Variants in LAMA2 observed in about 807,000 individuals in gnomAD.
LAMA2 encodes the protein laminin subunit alpha-2.
Under a neutral mutation model 364.8 loss-of-function variants are expected in LAMA2, and 269 were observed. The observed-to-expected ratio is 0.74, with a 90% CI of 0.67 to 0.82. LAMA2 has a LOEUF of 0.82. LAMA2 is among the 40% of genes least tolerant of loss of function. The pLI, the probability that LAMA2 is intolerant of heterozygous loss-of-function variation, is 0.00. For missense variants in LAMA2, 3,807 were observed against 3,873.2 expected, an observed-to-expected ratio of 0.98 and a Z score of 0.45; for synonymous variants, 1,379 against 1,370.6, an observed-to-expected ratio of 1.01 and a Z score of -0.14.
Position 129,315,474 on chromosome 6 carries a change from A to G in LAMA2, c.3556-2A>G. ...CTTCTGCTGTATTTTGACCCCTTGC[A>G]GGTGACTCTGAAGGCTGAGCAGACC... On this transcript the variant is annotated splice_acceptor_variant, in intron 24 of 64. Transcript: ENST00000421865. LOFTEE classifies it high-confidence loss of function. The G allele has an allele frequency of 6.2e-7, 1 of 1,614,070 alleles. No homozygotes were observed. The highest frequency in any genetic ancestry group is 8.5e-7 in the Non-Finnish European group (1 of 1,179,894).
intron 56 of LAMA2, among the ~76,000 whole-genome samples, chr6:129,486,894 G>GA (rs1242244982): frequency 6.6e-6 from 1 of 152,140 alleles, no homozygotes; most frequent in Non-Finnish European, 1.5e-5. Flanking sequence ...CTATAAATAA[G>GA]AAAAATCCCT....
chr6:129,031,554 A>C (rs1454412106), intron 1 of LAMA2, among the ~76,000 whole-genome samples: 2 of 152,232 alleles, frequency 1.3e-5, no homozygotes, highest in Non-Finnish European at 2.9e-5. Flanking sequence ...AAGATGGAAA[A>C]TGTAAACTAT....
At chr6:129,239,933 A>G (rs2115153394) in intron 12 of LAMA2, among the ~76,000 whole-genome samples, 1 of 152,296 alleles carries the variant, frequency 6.6e-6, no homozygotes, top group African/African-American at 2.4e-5. Context: ...CACAAGGTGA[A>G]GTCCCACAAT....
At chr6:129,477,524 A>C (rs1239714819) in intron 53 of LAMA2, among the ~76,000 whole-genome samples, 3 of 152,194 alleles carry the variant, frequency 2.0e-5, no homozygotes, top group African/African-American at 4.8e-5. Flanking sequence ...TGAGTCTTGG[A>C]GAACTTAGAT....
chr6:129,514,352 G>C (rs761312355), intron 63 of LAMA2, 21 bp from the exon 64 acceptor site: 1 of 1,540,966 alleles, frequency 6.5e-7, no homozygotes, highest in South Asian at 1.1e-5. Context: ...ATCTGTGACT[G>C]TTCTATTTCC....
chr6:129,013,838 G>A (rs1305539341), intron 1 of LAMA2, among the ~76,000 whole-genome samples: 24 of 152,094 alleles, frequency 1.6e-4, no homozygotes, highest in Admixed American at 1.4e-3. Context: ...ATCTAAAATA[G>A]GAAGACAGGT....
At chr6:129,475,360 G>GT (rs398123386) in intron 52 of LAMA2, 30 bp from the exon 53 acceptor site, 28,942 of 1,078,042 alleles carry the variant, frequency 0.027, no homozygotes, top group South Asian at 0.035. Flanking sequence ...TTTTATTTTT[G>GT]TTTTTTTTTT....
intron 8 of LAMA2, among the ~76,000 whole-genome samples, chr6:129,155,749 TA>T (rs1779075826): frequency 6.6e-6 from 1 of 152,124 alleles, no homozygotes; most frequent in Non-Finnish European, 1.5e-5. Flanking sequence ...CTCTGCGTGC[TA>T]ATACCATACT....
intron 32 of LAMA2, among the ~76,000 whole-genome samples, chr6:129,354,122 T>A (rs1237149741): frequency 6.6e-6 from 1 of 152,234 alleles, no homozygotes; most frequent in Admixed American, 6.5e-5. Flanking sequence ...ATTTCAACAT[T>A]TACCTATTGT....
At chr6:129,119,903 AAT>A (rs1475208443) in intron 4 of LAMA2, among the ~76,000 whole-genome samples, 1 of 152,186 alleles carries the variant, frequency 6.6e-6, no homozygotes, top group Non-Finnish European at 1.5e-5. Context: ...CCAATTAATA[AAT>A]ATGTCTAAGG....
chr6:129,426,502 TG>T (rs1300320669), intron 40 of LAMA2, among the ~76,000 whole-genome samples: 1 of 152,028 alleles, frequency 6.6e-6, no homozygotes, highest in Non-Finnish European at 1.5e-5. Flanking sequence ...ACTTATGTGA[TG>T]TTACTGTATC....
At chr6:128,936,052 G>T (rs1162431561) in intron 1 of LAMA2, among the ~76,000 whole-genome samples, 2 of 152,160 alleles carry the variant, frequency 1.3e-5, no homozygotes, top group African/African-American at 4.8e-5. Flanking sequence ...TTCCCCCTTC[G>T]CTTGGCACTT....
chr6:129,205,479 T>C (rs1782567509), intron 12 of LAMA2, among the ~76,000 whole-genome samples: 1 of 94,354 alleles, frequency 1.1e-5, no homozygotes, highest in African/African-American at 8.2e-5. Flanking sequence ...ATTCTGTAAG[T>C]ATATATATAT....
chr6:129,252,483 A>C (rs571242430), intron 14 of LAMA2, among the ~76,000 whole-genome samples, 188 bp downstream of exon 14: 3 of 152,118 alleles, frequency 2.0e-5, no homozygotes, highest in Admixed American at 6.5e-5. Flanking sequence ...ATGCAGAATA[A>C]ATTTGTCTCG....
intron 1 of LAMA2, among the ~76,000 whole-genome samples, chr6:128,900,010 T>G (rs1776987509): frequency 6.6e-6 from 1 of 152,216 alleles, no homozygotes; most frequent in Non-Finnish European, 1.5e-5. Context: ...TTTCTTTGTT[T>G]CTTTTTAGAT....
chr6:128,912,207 TAGAC>T (rs2114460624), intron 1 of LAMA2, among the ~76,000 whole-genome samples: 1 of 152,338 alleles, frequency 6.6e-6, no homozygotes, highest in African/African-American at 2.4e-5. Context: ...AATTTTATAA[TAGAC>T]AAATTGTTTT....
chr6:129,257,456 ATTTTTG>A (rs1554257909), intron 14 of LAMA2, among the ~76,000 whole-genome samples: 3 of 152,058 alleles, frequency 2.0e-5, no homozygotes, highest in Non-Finnish European at 2.9e-5. Flanking sequence ...CACTGAAAAT[ATTTTTG>A]TTTTTGTATC....
chr6:129,508,558 C>CTA (rs2114915483), intron 62 of LAMA2, among the ~76,000 whole-genome samples: 1 of 152,270 alleles, frequency 6.6e-6, no homozygotes, highest in African/African-American at 2.4e-5. Context: ...TACTTTCTAT[C>CTA]TATCTCCATG....
chr6:129,291,356 A>G (rs568040458), intron 19 of LAMA2, among the ~76,000 whole-genome samples: 1 of 152,284 alleles, frequency 6.6e-6, no homozygotes, highest in East Asian at 1.9e-4. Context: ...TGGAATGATG[A>G]TGATGACATT....
Sources: allele counts gnomAD v4.1 joint callset (sites outside exome capture counted in the v4.1 genomes callset), GRCh38; gene constraint gnomAD v4.1.1; transcripts MANE v1.5; gene names NCBI Gene and HGNC (gene_info 2026-07-23, HGNC 2026-07-21).